Variants in HMCN1 observed in about 807,000 individuals in gnomAD.
HMCN1 encodes the protein hemicentin 1.
A neutral mutation model predicts 625.9 loss-of-function variants in HMCN1; 321 were observed. The ratio of observed to expected loss-of-function variants is 0.51; its 90% CI spans 0.47 to 0.56. The LOEUF (loss-of-function observed/expected upper bound fraction) is 0.56. Ranked by LOEUF, HMCN1 falls within the 20% of genes least tolerant of loss-of-function variation. The pLI, the probability that HMCN1 is intolerant of heterozygous loss-of-function variation, is 0.00. For synonymous variants in HMCN1, 2,425 were observed against 2,417.6 expected (o/e 1.00, Z -0.09); for missense variants, 6,588 against 6,887.3 (o/e 0.96, Z 1.54).
chr1:185,816,523 A>G (rs1223482312), intron 1 of HMCN1, among the ~76,000 whole-genome samples: 1 of 152,206 alleles, frequency 6.6e-6, no homozygotes, highest in Non-Finnish European at 1.5e-5. Context: ...CATGCCCATG[A>G]CAGAATAAAT....
chr1:186,110,058 A>G (rs982444210), intron 71 of HMCN1, among the ~76,000 whole-genome samples: 3 of 152,208 alleles, frequency 2.0e-5, no homozygotes, highest in African/African-American at 7.2e-5. Context: ...TGAAAAAAAG[A>G]TGAGTTCAGG....
chr1:185,886,828 G>T (rs531857280), intron 4 of HMCN1, among the ~76,000 whole-genome samples: 75 of 152,038 alleles, frequency 4.9e-4, no homozygotes, highest in Admixed American at 1.3e-3. Context: ...ATCACGCCCT[G>T]CCCCTGTTCT....
At chr1:186,100,578 T>G (rs1308036427) in intron 68 of HMCN1, among the ~76,000 whole-genome samples, 1 of 152,050 alleles carries the variant, frequency 6.6e-6, no homozygotes, top group East Asian at 1.9e-4. Flanking sequence ...TCATTCAAAG[T>G]TCTAAAAACG....
intron 1 of HMCN1, among the ~76,000 whole-genome samples, chr1:185,791,330 T>G (rs1657977094): frequency 6.6e-6 from 1 of 152,184 alleles, no homozygotes; most frequent in South Asian, 2.1e-4. Flanking sequence ...TTCAGAAATA[T>G]TTTTAGGTTG....
At chr1:186,099,563 C>T (rs768349898) in intron 68 of HMCN1, among the ~76,000 whole-genome samples, 2 of 152,018 alleles carry the variant, frequency 1.3e-5, no homozygotes, top group Non-Finnish European at 2.9e-5. Context: ...TGATCTCAGC[C>T]CTCAACTTCC....
intron 19 of HMCN1, among the ~76,000 whole-genome samples, chr1:185,985,774 C>G (rs1651962253): frequency 6.6e-6 from 1 of 152,180 alleles, no homozygotes; most frequent in African/African-American, 2.4e-5. Context: ...ATTAGCAGTG[C>G]TGTTCCTTCA....
chr1:185,870,970 G>A (rs1158954719), intron 4 of HMCN1, among the ~76,000 whole-genome samples: 2 of 151,808 alleles, frequency 1.3e-5, no homozygotes, highest in South Asian at 2.1e-4. Flanking sequence ...CTGCGGTCAC[G>A]TCTGTAATCC....
intron 34 of HMCN1, among the ~76,000 whole-genome samples, chr1:186,019,312 ATTTAC>A (rs778813646): frequency 5.0e-4 from 76 of 152,204 alleles, no homozygotes; most frequent in Admixed American, 1.2e-3. Flanking sequence ...CATAAATACA[ATTTAC>A]TTATTCTTTG....
chr1:185,929,170 T>C lies in HMCN1; in HGVS notation c.1552+503T>C, dbSNP rs181834116. ...GTTCCCTTTTCCTCTTCCATATTCATAATGAGCAGAGCACTTTTATGAATA... is the reference window on the plus strand; with the variant it reads ...GTTCCCTTTTCCTCTTCCATATTCACAATGAGCAGAGCACTTTTATGAATA... On this transcript the variant is annotated intron_variant, in intron 10 of 106. Transcript: ENST00000271588. Among the ~76,000 whole-genome samples, 117 of 152,290 alleles carry C rather than the reference T, an allele frequency of 7.7e-4. 1 individual carries two copies. The highest frequency in any genetic ancestry group is 5.8e-4 in the East Asian group (3 of 5,188).
intron 1 of HMCN1, among the ~76,000 whole-genome samples, chr1:185,794,343 T>TCATATATATATATATATA (rs544015735): frequency 6.8e-6 from 1 of 147,642 alleles, no homozygotes; most frequent in Non-Finnish European, 1.5e-5. Flanking sequence ...AGAGGATAGA[T>TCATATATATATATATATA]TATATATATA....
rs1199093019 is a variant in HMCN1 at position 185,814,945 on chromosome 1, G to C, written c.269-31081G>C. Among the ~76,000 whole-genome samples, 8 of 150,124 alleles carry C rather than the reference G, an allele frequency of 5.3e-5. No homozygotes were observed. In the East Asian group the frequency reaches 7.7e-4, roughly 14 times the overall value. On this transcript the variant is annotated intron_variant, in intron 1 of 106. Coordinates refer to ENST00000271588, the MANE Select transcript of HMCN1 (RefSeq NM_031935.3). Reference sequence around the variant, plus strand: ...GACCTCAAGTGATCCACCCACCTCGGCCTCCCAAAGTGCTGGGATTACAGG... The same window carrying C: ...GACCTCAAGTGATCCACCCACCTCGCCCTCCCAAAGTGCTGGGATTACAGG...
intron 41 of HMCN1, among the ~76,000 whole-genome samples, chr1:186,047,277 G>A (rs557727767): frequency 6.6e-6 from 1 of 152,240 alleles, no homozygotes; most frequent in Admixed American, 6.5e-5. Context: ...AGAAGAAGAA[G>A]AAAAGGCATT....
At chr1:186,012,998 T>C (rs1654101239) in intron 30 of HMCN1, among the ~76,000 whole-genome samples, 1 of 152,146 alleles carries the variant, frequency 6.6e-6, no homozygotes, top group African/African-American at 2.4e-5. Context: ...TGAGGAGTAT[T>C]CACTGGTGAT....
At chr1:186,161,930 G>A (rs1184569023) in intron 97 of HMCN1, among the ~76,000 whole-genome samples, 8 of 151,992 alleles carry the variant, frequency 5.3e-5, no homozygotes, top group Admixed American at 5.2e-4. Context: ...TATCTTTGTG[G>A]TGTTCTCTGT....
chr1:186,102,464 A>C (rs1423159540), intron 68 of HMCN1, among the ~76,000 whole-genome samples: 1 of 152,124 alleles, frequency 6.6e-6, no homozygotes, highest in Non-Finnish European at 1.5e-5. Context: ...TGTAAAATAG[A>C]TACAGAAACA....
intron 1 of HMCN1, among the ~76,000 whole-genome samples, chr1:185,838,264 G>A (rs1252894258): frequency 1.3e-5 from 2 of 152,058 alleles, no homozygotes; most frequent in African/African-American, 2.4e-5. Context: ...ACAGACAGGC[G>A]ACCCCCAGGG....
At chr1:186,007,694 C>T (rs1424015010) in intron 30 of HMCN1, among the ~76,000 whole-genome samples, 1 of 152,090 alleles carries the variant, frequency 6.6e-6, no homozygotes, top group Non-Finnish European at 1.5e-5. Context: ...TGGCCGTTAT[C>T]CTGACCATGT....
At chr1:185,827,282 T>C (rs570681390) in intron 1 of HMCN1, among the ~76,000 whole-genome samples, 3 of 151,114 alleles carry the variant, frequency 2.0e-5, no homozygotes, top group Admixed American at 2.0e-4. Context: ...TAGTGTGCCA[T>C]GAAAGAGATG....
At chr1:186,135,290 A>G (rs538610860) in intron 86 of HMCN1, among the ~76,000 whole-genome samples, 3 of 152,278 alleles carry the variant, frequency 2.0e-5, no homozygotes, top group African/African-American at 7.2e-5. Context: ...GGTTACCAGA[A>G]TACCATTTTT....
Sources: allele counts gnomAD v4.1 joint callset (sites outside exome capture counted in the v4.1 genomes callset), GRCh38; gene constraint gnomAD v4.1.1; transcripts MANE v1.5; gene names NCBI Gene and HGNC (gene_info 2026-07-23, HGNC 2026-07-21).